Variants in ABCC5 observed in about 807,000 individuals in gnomAD.
The protein encoded by ABCC5 is ATP-binding cassette sub-family C member 5.
In ABCC5, 61 loss-of-function variants were observed where a neutral mutation model predicts 160.9. The observed-to-expected ratio is 0.38, with a 90% CI of 0.31 to 0.47. The LOEUF (loss-of-function observed/expected upper bound fraction) is 0.47. ABCC5 is among the 20% of genes least tolerant of loss of function. ABCC5 has a pLI of 0.99. For synonymous variants in ABCC5, 666 were observed against 700.6 expected (o/e 0.95, Z 0.78); for missense variants, 1,308 against 1,813.3 (o/e 0.72, Z 5.06).
intron 26 of ABCC5, among the ~76,000 whole-genome samples, chr3:183,934,963 A>G (rs1203839896): frequency 6.6e-6 from 1 of 152,216 alleles, no homozygotes; most frequent in Non-Finnish European, 1.5e-5. Flanking sequence ...TTATTTCTTA[A>G]TTCTCTTCCA....
Position 183,971,725 on chromosome 3 carries a change from C to G in ABCC5, c.1599G>C (p.Leu533=), listed in dbSNP as rs749830737. Residue 533 remains leucine (L), a synonymous_variant, in exon 11 of 30, where the codon CTG becomes CTC. Coordinates refer to ENST00000334444, the MANE Select transcript of ABCC5 (RefSeq NM_005688.4). ...GCACCGCCTGATGCTCAGTGCGCTG[C>G]AGCTGCCTCACCTTCTCTTTCTTGC... ...SRGKKEKVRQ[L]QRTEHQAVLA... The G allele has an allele frequency of 6.2e-7, 1 of 1,614,240 alleles. No individual in the cohort carries two copies.
chr3:183,958,111 T>G (rs1329895477), intron 17 of ABCC5, among the ~76,000 whole-genome samples: 1 of 150,934 alleles, frequency 6.6e-6, no homozygotes, highest in Non-Finnish European at 1.5e-5. Flanking sequence ...TCCGTGTGTA[T>G]ATCACATCGG....
At position 183,919,934 on chromosome 3, in the gene ABCC5, T is replaced by G. The variant is rs3805114; in HGVS notation, c.*1366A>C. 11,678 of 152,626 alleles carry G rather than the reference T, an allele frequency of 0.077. 491 individuals carry two copies. The highest frequency in any genetic ancestry group is 0.17 in the East Asian group (892 of 5,172). 9.5% of individuals were successfully genotyped at this position (152,626 alleles called of 1,614,324 possible). A position where few individuals can be genotyped will look rare whatever the true frequency, so the allele number is the denominator to read the frequency against. On this transcript the variant is annotated 3_prime_UTR_variant, in exon 30 of 30. Coordinates refer to ENST00000334444, the MANE Select transcript of ABCC5 (RefSeq NM_005688.4). ...AGAGAATTGTTTGATACACGAAGAG[T>G]TTTACAAAATCCAAAATAATTTTAT...
intron 10 of ABCC5, among the ~76,000 whole-genome samples, chr3:183,973,093 C>T (rs1354786804): frequency 4.0e-5 from 5 of 124,664 alleles, no homozygotes; most frequent in Admixed American, 1.9e-4. Flanking sequence ...CTCGCTGTGT[C>T]GCCCAGGCTG....
chr3:183,951,837 GACCACCC>G lies in ABCC5; in HGVS notation c.2814+13_2814+19del. 1 of 1,608,296 alleles carries G rather than the reference GACCACCC, an allele frequency of 6.2e-7. No homozygotes were observed. Among genetic ancestry groups the G allele is most frequent in the African/African-American group, 1.3e-5 (1 of 74,970 alleles). On this transcript the variant is annotated intron_variant, in intron 19 of 29. Transcript: ENST00000334444. The surrounding 1 kb of genome is among the most constrained non-coding windows in gnomAD (Gnocchi z 4.7). The stretch of plus-strand genomic sequence containing the variant: ...ACAGGTCACCAGGGAGGAGGGCAGA[GACCACCC>G]ACCAATGCATACCTTGACAAAGACA...
At chr3:183,994,635 A>C (rs1009554160) in intron 2 of ABCC5, among the ~76,000 whole-genome samples, 8 of 152,170 alleles carry the variant, frequency 5.3e-5, no homozygotes, top group Non-Finnish European at 7.4e-5. Context: ...TGGGCTCCCA[A>C]AGTGCTGGGA....
chr3:183,926,142 G>GTGT (rs1553911402), intron 28 of ABCC5, among the ~76,000 whole-genome samples: 1 of 132,050 alleles, frequency 7.6e-6, no homozygotes, highest in Non-Finnish European at 1.6e-5. Flanking sequence ...CCAGCCTATT[G>GTGT]TTTTTTTTTT....
At chr3:183,999,141 C>A (rs911521899) in intron 2 of ABCC5, among the ~76,000 whole-genome samples, 1 of 150,736 alleles carries the variant, frequency 6.6e-6, no homozygotes, top group Non-Finnish European at 1.5e-5. Flanking sequence ...CATCTTTATA[C>A]TAACCTGCCA....
Position 183,971,764 on chromosome 3 carries a change from C to G in ABCC5, c.1560G>C (p.Lys520Asn), listed in dbSNP as rs1178193075. ...TCTCTTTCTTGCCCCTGGAAGCCCT[C>G]TTGTCTTTTTTCATTTTGGGGGTCA... ...PKLTPKMKKD[K>N]RASRGKKEKV... The change falls in exon 11 of 30, where the codon AAG becomes AAC. Residue 520 changes from lysine to asparagine, a missense_variant. Around this residue, in one of 3 missense-constraint regions of ABCC5, gnomAD observed 1,142 missense variants for 1,527.1 expected, o/e 0.75. Transcript: ENST00000334444. The G allele has an allele frequency of 6.2e-7, 1 of 1,614,212 alleles. No homozygotes were observed. The highest frequency in any genetic ancestry group is 2.2e-5 in the East Asian group (1 of 44,886).
rs1303986953 is a variant in ABCC5, at chr3:183,951,034, T to C, written c.2944+407A>G. Among the ~76,000 whole-genome samples, 1 of 152,216 alleles carries C rather than the reference T, an allele frequency of 6.6e-6. No homozygotes were observed. The highest frequency in any genetic ancestry group is 2.4e-5 in the African/African-American group (1 of 41,450). On this transcript the variant is annotated intron_variant, in intron 20 of 29. Coordinates refer to ENST00000334444, the MANE Select transcript of ABCC5 (RefSeq NM_005688.4). This position sits in a 1 kb window ranked among gnomAD's most constrained non-coding sequence, Gnocchi z 4.7. The stretch of plus-strand genomic sequence containing the variant: ...GGTAACATGCATAAAACACTGAGCA[T>C]GCTGCTTGCTACACAGGAAGCCCCC...
intron 8 of ABCC5, among the ~76,000 whole-genome samples, chr3:183,979,415 T>C (rs1209015722): frequency 6.6e-6 from 1 of 150,678 alleles, no homozygotes; most frequent in Non-Finnish European, 1.5e-5. Context: ...ATGTTGGCAG[T>C]GGGATAGAAG....
chr3:184,000,965 A>G, intron 2 of ABCC5: 1 of 377,924 alleles, frequency 2.6e-6, no homozygotes, highest in Non-Finnish European at 4.7e-6. Context: ...TAAAAAGTAA[A>G]AAGTAGGCAG....
chr3:183,942,940 T>G (rs757344370), intron 24 of ABCC5, 24 bp from the exon 25 acceptor site: 13 of 1,585,398 alleles, frequency 8.2e-6, no homozygotes, highest in Admixed American at 3.6e-5. Flanking sequence ...GGTGGCCAGT[T>G]CAGACTGACC....
Position 183,978,577 on chromosome 3 carries a change from T to A in ABCC5, c.1222A>T (p.Ile408Phe). 1 of 1,614,022 alleles carries A rather than the reference T, an allele frequency of 6.2e-7. No individual in the cohort carries two copies. The highest frequency in any genetic ancestry group is 8.5e-7 in the Non-Finnish European group (1 of 1,179,996). Residue 408 changes from isoleucine (I) to phenylalanine (F), a missense_variant, in exon 9 of 30, where the codon ATT becomes TTT. Physicochemically the swap from Ile to Phe is conservative, Grantham distance 21. Coordinates refer to ENST00000334444, the MANE Select transcript of ABCC5 (RefSeq NM_005688.4). ...FQSITVGVAP[I>F]VVVIASVVTF... ...ACCACGCTGGCAATCACCACCACAA[T>A]GGGAGCCACACCCACAGTGATGCTC...
chr3:183,970,201 C>T (rs1309145380), intron 11 of ABCC5, among the ~76,000 whole-genome samples: 1 of 152,190 alleles, frequency 6.6e-6, no homozygotes, highest in Non-Finnish European at 1.5e-5. Flanking sequence ...ATCCACTACT[C>T]TCTCCCATGC....
chr3:183,965,265 A>T lies in ABCC5; in HGVS notation c.1959-8T>A. 1 of 1,614,220 alleles carries T rather than the reference A, an allele frequency of 6.2e-7. No homozygotes were observed. Among genetic ancestry groups the T allele is most frequent in the Non-Finnish European group, 8.5e-7 (1 of 1,180,020 alleles). On this transcript the variant is annotated splice_polypyrimidine_tract_variant and splice_region_variant and intron_variant, in intron 13 of 29. Transcript: ENST00000334444. ...TTCAGCACAGAGTTGTATCTGGAGG[A>T]CACAAAGAGACAGCGTCAGGGACAC...
rs1715181595 is a variant in ABCC5 at position 183,949,894 on chromosome 3, T to A, written c.3099-13A>T. 1 of 1,614,134 alleles carries A rather than the reference T, an allele frequency of 6.2e-7. No individual in the cohort carries two copies. The highest frequency in any genetic ancestry group is 8.5e-7 in the Non-Finnish European group (1 of 1,179,996). ...CCGAATCAGGACCCTGGAGAGAGAA[T>A]GAGCTCCGTGTCACAGCACCTACCC... On this transcript the variant is annotated splice_polypyrimidine_tract_variant and intron_variant, in intron 21 of 29. Transcript: ENST00000334444. This position sits in a 1 kb window ranked among gnomAD's most constrained non-coding sequence, Gnocchi z 4.2.
At chr3:183,927,662 C>A in intron 27 of ABCC5, 1 of 985,400 alleles carries the variant, frequency 1.0e-6, no homozygotes. Flanking sequence ...AGCTTTATAC[C>A]ATTAAAACAT....
chr3:183,984,481 A>G (rs1353338371), intron 5 of ABCC5: 1 of 1,055,488 alleles, frequency 9.5e-7, no homozygotes, highest in African/African-American at 1.7e-5. Flanking sequence ...GCTACGCTGA[A>G]TTCCAAAACC....
Sources: allele counts gnomAD v4.1 joint callset (sites outside exome capture counted in the v4.1 genomes callset), GRCh38; gene constraint gnomAD v4.1.1; regional missense constraint gnomAD v4.1.1; non-coding constraint Gnocchi (gnomAD v3.1); transcripts MANE v1.5; gene names NCBI Gene and HGNC (gene_info 2026-07-23, HGNC 2026-07-21).